Variants in ASIC2 observed in about 807,000 individuals in gnomAD.
ASIC2 encodes the protein acid-sensing ion channel 2.
A neutral mutation model predicts 57.3 loss-of-function variants in ASIC2; 25 were observed. That is an observed-to-expected ratio of 0.44 (90% CI 0.32 to 0.61). The LOEUF is 0.61. ASIC2 is among the 20% of genes least tolerant of loss of function. The probability of loss-of-function intolerance (pLI) is 0.06; values close to 1 mark genes in which losing one functional copy is unlikely to be tolerated. For missense variants in ASIC2, 641 were observed against 738.1 expected, an observed-to-expected ratio of 0.87 and a Z score of 1.52; for synonymous variants, 319 against 307.5, an observed-to-expected ratio of 1.04 and a Z score of -0.39.
chr17:33,209,384 T>C (rs1907188886), intron 1 of ASIC2, among the ~76,000 whole-genome samples: 1 of 152,186 alleles, frequency 6.6e-6, no homozygotes, highest in Non-Finnish European at 1.5e-5. Flanking sequence ...CCATGTTGCA[T>C]AAAAAGGAAT....
chr17:33,456,671 C>T (rs58631684), intron 1 of ASIC2, among the ~76,000 whole-genome samples: 5 of 152,134 alleles, frequency 3.3e-5, no homozygotes, highest in East Asian at 1.9e-4. Flanking sequence ...GAGTAAGGAG[C>T]GTTTGTTGTG....
rs377041682 is a variant in ASIC2, at chr17:33,522,152, C to A, written c.556-410085G>T. Among the ~76,000 whole-genome samples, 93 of 152,352 alleles carry A rather than the reference C, an allele frequency of 6.1e-4. No homozygotes were observed. In the South Asian group the frequency reaches 0.017, roughly 29 times the overall value. The stretch of plus-strand genomic sequence containing the variant: ...GTCCCCCCACTCCTTCCTGTCACTG[C>A]TGTCCCTACCAGGCAGCCTTGTGCC... On this transcript the variant is annotated intron_variant, in intron 1 of 9. Transcript: ENST00000359872.
chr17:33,151,088 G>A (rs1445845304), intron 1 of ASIC2, among the ~76,000 whole-genome samples: 2 of 151,376 alleles, frequency 1.3e-5, no homozygotes, highest in Non-Finnish European at 2.9e-5. Flanking sequence ...CAGCACTTTG[G>A]GAGGCTGACG....
intron 1 of ASIC2, among the ~76,000 whole-genome samples, chr17:33,956,607 G>A (rs1904742674): frequency 6.6e-6 from 1 of 152,130 alleles, no homozygotes; most frequent in Non-Finnish European, 1.5e-5. Context: ...CACGTCACCA[G>A]GGAGACATTT....
chr17:33,372,643 A>T (rs1052231133), intron 1 of ASIC2, among the ~76,000 whole-genome samples: 1 of 151,220 alleles, frequency 6.6e-6, no homozygotes, highest in Non-Finnish European at 1.5e-5. Flanking sequence ...CACCTCCCAC[A>T]CTCTGGCCTC....
At chr17:33,042,151 T>C (rs2091932470) in intron 3 of ASIC2, among the ~76,000 whole-genome samples, 1 of 152,182 alleles carries the variant, frequency 6.6e-6, no homozygotes, top group Admixed American at 6.5e-5. Context: ...TCAAATCACA[T>C]ACTAAAATCA....
chr17:33,765,397 C>T (rs967892207), intron 1 of ASIC2, among the ~76,000 whole-genome samples: 5 of 152,080 alleles, frequency 3.3e-5, no homozygotes, highest in African/African-American at 4.8e-5. Flanking sequence ...CGTGAGCCAC[C>T]GCGCCCGGCG....
chr17:33,729,169 C>T (rs1909656894), intron 1 of ASIC2, among the ~76,000 whole-genome samples: 1 of 152,158 alleles, frequency 6.6e-6, no homozygotes, highest in South Asian at 2.1e-4. Flanking sequence ...CCAGCGTCTG[C>T]TTCTAGGGAG....
At chr17:33,403,409 A>G (rs1006203985) in intron 1 of ASIC2, among the ~76,000 whole-genome samples, 2 of 152,222 alleles carry the variant, frequency 1.3e-5, no homozygotes, top group African/African-American at 4.8e-5. Context: ...TCAGTTGTCT[A>G]GCTGGGTTGA....
intron 1 of ASIC2, among the ~76,000 whole-genome samples, chr17:33,548,451 A>G (rs1915647499): frequency 6.6e-6 from 1 of 152,154 alleles, no homozygotes; most frequent in Non-Finnish European, 1.5e-5. Flanking sequence ...AGAAGAAAGG[A>G]CAAAGTGCTT....
At chr17:33,619,640 T>G (rs1227223572) in intron 1 of ASIC2, among the ~76,000 whole-genome samples, 1 of 152,204 alleles carries the variant, frequency 6.6e-6, no homozygotes, top group Admixed American at 6.5e-5. Context: ...TAGGATGCTT[T>G]GTAATGAGAA....
intron 1 of ASIC2, among the ~76,000 whole-genome samples, chr17:33,587,165 A>G (rs899541886): frequency 1.3e-5 from 2 of 152,206 alleles, no homozygotes; most frequent in African/African-American, 2.4e-5. Context: ...TGGTGCTACC[A>G]TGGCAGAGTT....
chr17:33,895,241 C>A (rs1915067622), intron 1 of ASIC2, among the ~76,000 whole-genome samples: 1 of 151,538 alleles, frequency 6.6e-6, no homozygotes, highest in Non-Finnish European at 1.5e-5. Context: ...TGGCTTACTG[C>A]AACCTCTGCC....
chr17:33,358,796 A>G (rs1042189538), intron 1 of ASIC2, among the ~76,000 whole-genome samples: 2 of 152,204 alleles, frequency 1.3e-5, no homozygotes, highest in Non-Finnish European at 2.9e-5. Flanking sequence ...AACTCAAAGC[A>G]ATTGCAGAGA....
chr17:33,602,936 G>A (rs931248683), intron 1 of ASIC2, among the ~76,000 whole-genome samples: 7 of 152,112 alleles, frequency 4.6e-5, no homozygotes, highest in African/African-American at 7.2e-5. Flanking sequence ...TAGAATCCTC[G>A]CAGGGGCTCT....
chr17:33,799,377 C>CCT (rs1304815688), intron 1 of ASIC2, among the ~76,000 whole-genome samples: 2 of 40,914 alleles, frequency 4.9e-5, no homozygotes, highest in African/African-American at 1.3e-4. Context: ...TTTCTTTCTT[C>CCT]CTTTCTTTCT....
intron 1 of ASIC2, among the ~76,000 whole-genome samples, chr17:33,366,428 C>A (rs1282206467): frequency 6.6e-6 from 1 of 152,160 alleles, no homozygotes; most frequent in Non-Finnish European, 1.5e-5. Context: ...CATGCCTTGC[C>A]TTGGTACCTG....
chr17:33,687,255 C>T (rs1395005524), intron 1 of ASIC2, among the ~76,000 whole-genome samples: 2 of 152,120 alleles, frequency 1.3e-5, no homozygotes, highest in African/African-American at 4.8e-5. Context: ...AACGGAGTGG[C>T]GTCAGTACCA....
At chr17:33,348,547 C>T (rs1908040238) in intron 1 of ASIC2, among the ~76,000 whole-genome samples, 1 of 152,116 alleles carries the variant, frequency 6.6e-6, no homozygotes, top group Non-Finnish European at 1.5e-5. Flanking sequence ...GGGGTATTTG[C>T]TGCCCGCAGA....
Sources: allele counts gnomAD v4.1 joint callset (sites outside exome capture counted in the v4.1 genomes callset), GRCh38; gene constraint gnomAD v4.1.1; transcripts MANE v1.5; gene names NCBI Gene and HGNC (gene_info 2026-07-23, HGNC 2026-07-21).